The following PKP2 variants were observed in gnomAD, a reference collection of about 807,000 sequenced individuals.
PKP2 encodes the protein plakophilin 2, also known as plakophilin-2.
PKP2 carries 73 observed loss-of-function variants against 83.4 expected under a neutral mutation model. That is an observed-to-expected ratio of 0.88 (90% confidence interval 0.72 to 1.06). PKP2 has a LOEUF of 1.06. Ranked by LOEUF, PKP2 falls within the 50% of genes least tolerant of loss-of-function variation. The pLI is 0.00. For synonymous variants in PKP2, 409 were observed against 430.4 expected (o/e 0.95, Z 0.62); for missense variants, 966 against 1,065.4 (o/e 0.91, Z 1.30).
intron 5 of PKP2, among the ~76,000 whole-genome samples, chr12:32,849,863 T>C (rs757799198): frequency 1.3e-5 from 2 of 152,246 alleles, no homozygotes; most frequent in East Asian, 3.8e-4. Flanking sequence ...GAGGTGGTAC[T>C]GAGAGGAGTC....
At chr12:32,851,593 T>C (rs7302486) in intron 4 of PKP2, among the ~76,000 whole-genome samples, 44,385 of 151,882 alleles carry the variant, frequency 0.29, 7,436 homozygotes, top group African/African-American at 0.47. Flanking sequence ...CTCAGCCTCC[T>C]GGGTAGCTGG....
chr12:32,809,565 C>T (rs1956258463), intron 9 of PKP2, among the ~76,000 whole-genome samples: 1 of 152,224 alleles, frequency 6.6e-6, no homozygotes, highest in African/African-American at 2.4e-5. Context: ...TCCCTGGATT[C>T]AGCCCCCTTC....
chr12:32,792,209 C>T lies in PKP2; in HGVS notation c.*215G>A, dbSNP rs886049318. The T allele has an allele frequency of 7.8e-5, 46 of 592,232 alleles. No homozygotes were observed. The highest frequency in any genetic ancestry group is 8.8e-5 in the Non-Finnish European group (29 of 330,952). The allele number at this position is 592,232 out of a possible 1,614,324, so 36.7% of individuals were successfully genotyped here. On this transcript the variant is annotated 3_prime_UTR_variant, in exon 13 of 13. Coordinates refer to ENST00000340811, the MANE Select transcript of PKP2 (RefSeq NM_001005242.3). ...CCTAATAACAAAGACCACTATTTGT[C>T]GAGCCTGTGGCCGGTATCTACTGGT...
chr12:32,834,489 A>G (rs1168277990), intron 6 of PKP2, among the ~76,000 whole-genome samples: 2 of 152,148 alleles, frequency 1.3e-5, no homozygotes, highest in African/African-American at 2.4e-5. Context: ...GAAGCTCCCT[A>G]GATGTGTTTG....
At chr12:32,802,944 C>T (rs1446894904) in intron 9 of PKP2, among the ~76,000 whole-genome samples, 1 of 151,880 alleles carries the variant, frequency 6.6e-6, no homozygotes, top group African/African-American at 2.4e-5. Flanking sequence ...CAGGCGTGAA[C>T]CACCATGCCC....
chr12:32,858,664 TA>T (rs1956775663), intron 4 of PKP2, among the ~76,000 whole-genome samples: 2 of 152,014 alleles, frequency 1.3e-5, no homozygotes, highest in Admixed American at 1.3e-4. Context: ...AAAACAAAGT[TA>T]AAAACAACAA....
At chr12:32,796,953 C>A (rs141062613) in intron 10 of PKP2, among the ~76,000 whole-genome samples, 299 of 152,174 alleles carry the variant, frequency 2.0e-3, no homozygotes, top group African/African-American at 6.9e-3. Context: ...CTACAGAGAT[C>A]TTTATGACAG....
chr12:32,885,182 A>G (rs1473659922), intron 1 of PKP2, among the ~76,000 whole-genome samples: 1 of 152,180 alleles, frequency 6.6e-6, no homozygotes, highest in Non-Finnish European at 1.5e-5. Flanking sequence ...AGGATTCTAA[A>G]TTCCTCAGAA....
Position 32,896,677 on chromosome 12 carries a change from G to C in PKP2, c.55C>G (p.Gln19Glu). Residue 19 changes from glutamine to glutamate, a missense_variant, in exon 1 of 13, where the codon CAG becomes GAG. Gln to Glu is a conservative substitution (Grantham distance 29). Transcript: ENST00000340811. ...EYGYIRTVLGQQILGQLDSSS... is the reference protein window; with the variant it reads ...EYGYIRTVLGEQILGQLDSSS... The stretch of plus-strand genomic sequence containing the variant: ...CTGTCCAGTTGTCCCAGGATCTGCT[G>C]GCCCAGGACGGTCCGGATGTAGCCG... 1 of 1,547,212 alleles carries C rather than the reference G, an allele frequency of 6.5e-7. No individual in the cohort carries two copies. The highest frequency in any genetic ancestry group is 8.7e-7 in the Non-Finnish European group (1 of 1,155,334).
chr12:32,828,545 G>T (rs1295619286), intron 6 of PKP2, among the ~76,000 whole-genome samples: 1 of 152,124 alleles, frequency 6.6e-6, no homozygotes, highest in East Asian at 1.9e-4. Flanking sequence ...TGAAATTAGG[G>T]TACCCTAGAA....
At chr12:32,850,667 T>C in intron 5 of PKP2, 99 bp downstream of exon 5, 1 of 875,860 alleles carries the variant, frequency 1.1e-6, no homozygotes, top group Non-Finnish European at 1.9e-6. Context: ...AATGAGCCCA[T>C]CAATCATTTG....
chr12:32,796,105 T>C lies in PKP2; in HGVS notation c.2357+4A>G. 1 of 1,613,212 alleles carries C rather than the reference T, an allele frequency of 6.2e-7. No individual in the cohort carries two copies. The highest frequency in any genetic ancestry group is 1.1e-5 in the South Asian group (1 of 91,062). On this transcript the variant is annotated splice_donor_region_variant and intron_variant, in intron 11 of 12. Coordinates refer to ENST00000340811, the MANE Select transcript of PKP2 (RefSeq NM_001005242.3). ...CAGCTGACGGGCAGAACTGAAGGAC[T>C]TACGCATCGCCTGCACTAATGGCCA...
At chr12:32,840,954 T>C (rs1012226960) in intron 6 of PKP2, 74 bp downstream of exon 6, 2 of 1,053,546 alleles carry the variant, frequency 1.9e-6, no homozygotes, top group African/African-American at 3.1e-5. Flanking sequence ...AAAGGCAGAA[T>C]ATATCCTGAC....
intron 3 of PKP2, among the ~76,000 whole-genome samples, chr12:32,875,322 T>C (rs1174591738): frequency 6.6e-6 from 1 of 152,038 alleles, no homozygotes; most frequent in Non-Finnish European, 1.5e-5. Flanking sequence ...GAGCTGCATA[T>C]GTAAAGGTGT....
intron 6 of PKP2, among the ~76,000 whole-genome samples, chr12:32,826,359 T>G (rs1956442294): frequency 6.6e-6 from 1 of 150,704 alleles, no homozygotes. Context: ...ATGCACAATA[T>G]TATACCTTGC....
intron 1 of PKP2, among the ~76,000 whole-genome samples, chr12:32,879,484 A>G (rs903466366): frequency 6.6e-6 from 1 of 152,044 alleles, no homozygotes; most frequent in African/African-American, 2.4e-5. Flanking sequence ...GTGAGCCAAG[A>G]TCACACAATT....
intron 1 of PKP2, among the ~76,000 whole-genome samples, chr12:32,880,477 C>A (rs1278108742): frequency 6.6e-6 from 1 of 152,112 alleles, no homozygotes; most frequent in Non-Finnish European, 1.5e-5. Context: ...CAACTTCAGG[C>A]CAATGCTGGG....
At chr12:32,877,626 T>C (rs539582128) in intron 3 of PKP2, among the ~76,000 whole-genome samples, 1 of 152,326 alleles carries the variant, frequency 6.6e-6, no homozygotes, top group East Asian at 1.9e-4. Context: ...AATGTCACAT[T>C]TCCATACAAA....
intron 9 of PKP2, chr12:32,821,054 A>G: frequency 2.6e-6 from 1 of 380,090 alleles, no homozygotes; most frequent in Non-Finnish European, 5.0e-6. Context: ...TCACGACAGA[A>G]AGAAGGCCCA....
Sources: gnomAD v4.1 joint callset for allele counts (sites outside exome capture counted in the v4.1 genomes callset) on GRCh38, gnomAD v4.1.1 for gene constraint, MANE v1.5 for transcripts, NCBI Gene and HGNC (gene_info 2026-07-23, HGNC 2026-07-21) for gene names.